The following RBFOX3 variants were observed in gnomAD, a reference collection of about 807,000 sequenced individuals.
RBFOX3 encodes the protein RNA binding fox-1 homolog 3.
Under a neutral mutation model 48.7 loss-of-function variants are expected in RBFOX3, and 17 were observed. The observed-to-expected ratio is 0.35, with a 90% CI of 0.24 to 0.52. The LOEUF is 0.52. Ranked by LOEUF, RBFOX3 falls within the 20% of genes least tolerant of loss-of-function variation. The pLI is 0.94. For missense variants in RBFOX3, 382 were observed against 497.5 expected (o/e 0.77, Z 2.21); for synonymous variants, 212 against 209.5 (o/e 1.01, Z -0.10).
intron 3 of RBFOX3, among the ~76,000 whole-genome samples, chr17:79,296,810 C>T (rs948212912): frequency 6.9e-6 from 1 of 144,530 alleles, no homozygotes; most frequent in Non-Finnish European, 1.5e-5. Context: ...TTTCCTCCTC[C>T]CCACTTCTCC....
intron 1 of RBFOX3, among the ~76,000 whole-genome samples, chr17:79,550,591 T>C (rs1014094685): frequency 4.6e-5 from 7 of 152,084 alleles, no homozygotes; most frequent in African/African-American, 1.4e-4. Flanking sequence ...AATGACTAAG[T>C]GGATGAATAG....
intron 2 of RBFOX3, among the ~76,000 whole-genome samples, chr17:79,341,948 A>C (rs2082162863): frequency 6.6e-6 from 1 of 152,198 alleles, no homozygotes; most frequent in Non-Finnish European, 1.5e-5. Context: ...ATTCATTTGG[A>C]AAATTTTGGC....
intron 4 of RBFOX3, among the ~76,000 whole-genome samples, chr17:79,138,629 ACCT>A (rs769810290): frequency 6.0e-5 from 3 of 49,864 alleles, no homozygotes; most frequent in Middle Eastern, 0.013. Context: ...ACGTGTTCAC[ACCT>A]CCTCACCCAC....
At chr17:79,173,421 G>A (rs922402473) in intron 4 of RBFOX3, among the ~76,000 whole-genome samples, 6 of 152,154 alleles carry the variant, frequency 3.9e-5, no homozygotes, top group Non-Finnish European at 8.8e-5. Flanking sequence ...GCCCTTGGAG[G>A]TCGTCTTCCT....
intron 4 of RBFOX3, among the ~76,000 whole-genome samples, chr17:79,157,384 A>G (rs2046047757): frequency 6.6e-6 from 1 of 152,136 alleles, no homozygotes; most frequent in Non-Finnish European, 1.5e-5. Context: ...ACAGACACTG[A>G]CCACAAAGCT....
rs2057347891 is a variant in RBFOX3, at chr17:79,205,374, G to A, written c.-34+30392C>T. ...TTACAGCAGGTCTGTCAGGCTCATG[G>A]ACCCATCCTGTGGTTTGTTCTCTGG... On this transcript the variant is annotated intron_variant, in intron 4 of 14. Transcript: ENST00000693108. The surrounding 1 kb of genome is among the most constrained non-coding windows in gnomAD (Gnocchi z 4.5). Among the ~76,000 whole-genome samples the A allele has an allele frequency of 6.6e-6, 1 of 152,120 alleles. No individual in the cohort carries two copies. Among genetic ancestry groups the A allele is most frequent in the Non-Finnish European group, 1.5e-5 (1 of 68,008 alleles).
intron 3 of RBFOX3, among the ~76,000 whole-genome samples, chr17:79,257,705 C>T (rs952850307): frequency 1.3e-5 from 2 of 152,166 alleles, no homozygotes; most frequent in African/African-American, 2.4e-5. Context: ...CTCAGCCTCC[C>T]GAGTAGCTGG....
At chr17:79,125,720 C>CG (rs1448439631) in intron 4 of RBFOX3, among the ~76,000 whole-genome samples, 3 of 152,228 alleles carry the variant, frequency 2.0e-5, no homozygotes, top group Non-Finnish European at 4.4e-5. Flanking sequence ...CTCCCGCCTG[C>CG]GGGAAGGGCG....
At chr17:79,434,086 C>T (rs1568242470) in intron 2 of RBFOX3, among the ~76,000 whole-genome samples, 1 of 152,204 alleles carries the variant, frequency 6.6e-6, no homozygotes, top group South Asian at 2.1e-4. Context: ...AAACAGTGAA[C>T]CCCCCAACGG....
At chr17:79,098,635 A>G (rs9906059) in intron 9 of RBFOX3, 28,556 of 152,220 alleles carry the variant, frequency 0.19, 3,347 homozygotes, top group African/African-American at 0.32. Flanking sequence ...GAGCAGAGCA[A>G]AGACCTGCTC....
rs72849700 is a variant in RBFOX3 at position 79,363,102 on chromosome 17, G to T, written c.-174-55278C>A. 6.6e-6 allele frequency among the ~76,000 whole-genome samples: 1 copy of T among 152,136 alleles called. No individual in the cohort carries two copies. The highest frequency in any genetic ancestry group is 2.4e-5 in the African/African-American group (1 of 41,440). On this transcript the variant is annotated intron_variant, in intron 2 of 14. Coordinates refer to ENST00000693108, the MANE Select transcript of RBFOX3 (RefSeq NM_001350451.2). This position sits in a 1 kb window ranked among gnomAD's most constrained non-coding sequence, Gnocchi z 4.7. ...GCACATGCGAGGTTTCTGGGCCATA[G>T]TGAGCCGCAGGGGAGGCACGTGGCT...
At chr17:79,593,830 C>T (rs966483273) in intron 1 of RBFOX3, among the ~76,000 whole-genome samples, 1 of 152,164 alleles carries the variant, frequency 6.6e-6, no homozygotes, top group Non-Finnish European at 1.5e-5. Flanking sequence ...TCTCCCTGCT[C>T]CCAAGGGCCA....
intron 13 of RBFOX3, 73 bp downstream of exon 13, chr17:79,095,440 G>A: frequency 7.2e-7 from 1 of 1,390,732 alleles, no homozygotes; most frequent in South Asian, 1.3e-5. Flanking sequence ...GCCTGTCTGG[G>A]CCCAGCTCCC....
chr17:79,374,584 C>T (rs542267870), intron 2 of RBFOX3, among the ~76,000 whole-genome samples: 10 of 152,360 alleles, frequency 6.6e-5, no homozygotes, highest in East Asian at 1.9e-4. Context: ...AATGCGAGAG[C>T]TGGCTGCGCC....
intron 1 of RBFOX3, among the ~76,000 whole-genome samples, chr17:79,553,042 T>G (rs2091301468): frequency 6.6e-6 from 1 of 152,230 alleles, no homozygotes; most frequent in South Asian, 2.1e-4. Context: ...TGCTACAATA[T>G]GAAATAGTAG....
At chr17:79,368,799 G>A (rs997984680) in intron 2 of RBFOX3, among the ~76,000 whole-genome samples, 2 of 152,204 alleles carry the variant, frequency 1.3e-5, no homozygotes, top group Admixed American at 6.5e-5. Context: ...CCATGGAAAT[G>A]TCATGATTTC....
Position 79,096,787 on chromosome 17 carries a change from G to T in RBFOX3, c.802C>A (p.Leu268Met). The change falls in exon 12 of 15, where the codon CTG (leucine) becomes ATG (methionine). Residue 268 changes from leucine (L) to methionine (M), a missense_variant. This residue lies in a region of RBFOX3 where 215 missense variants were observed against 254.8 expected (regional missense o/e 0.84). Transcript: ENST00000693108. ...LVKMPVPWAGLAPCPLPPQQT... is the reference protein window; with the variant it reads ...LVKMPVPWAGMAPCPLPPQQT... ...TGAGGAGGGAGGGGGCACGGTGCCA[G>T]CCCCGCCCATGGGACTGGCATTTTA... The T allele has an allele frequency of 8.8e-7, 1 of 1,133,178 alleles. No individual in the cohort carries two copies. The highest frequency in any genetic ancestry group is 1.3e-6 in the Non-Finnish European group (1 of 765,810). The allele number at this position is 1,133,178 out of a possible 1,614,324, so 70.2% of individuals were successfully genotyped here. A position where few individuals can be genotyped will look rare whatever the true frequency, so the allele number is the denominator to read the frequency against.
rs118056014 is a variant in RBFOX3 at position 79,412,950 on chromosome 17, C to T, written c.-175+69504G>A. 9.3e-3 allele frequency among the ~76,000 whole-genome samples: 1,411 copies of T among 152,188 alleles called. 11 individuals are homozygous for T. The highest frequency in any genetic ancestry group is 0.016 in the Non-Finnish European group (1,071 of 68,000). On this transcript the variant is annotated intron_variant, in intron 2 of 14. Transcript: ENST00000693108. The stretch of plus-strand genomic sequence containing the variant: ...GTGACTACCACTCTCTGACCCTGAG[C>T]CCCTCTCTGTTCAACCCTCCAGCCT...
At chr17:79,357,325 T>A (rs998904452) in intron 2 of RBFOX3, among the ~76,000 whole-genome samples, 1 of 152,202 alleles carries the variant, frequency 6.6e-6, no homozygotes, top group Non-Finnish European at 1.5e-5. Flanking sequence ...TTCATTCCAA[T>A]GTTTAAAAAA....
Sources: gnomAD v4.1 joint callset for allele counts (sites outside exome capture counted in the v4.1 genomes callset) on GRCh38, gnomAD v4.1.1 for gene constraint, gnomAD v4.1.1 regional missense constraint, Gnocchi (gnomAD v3.1) non-coding constraint, MANE v1.5 for transcripts, NCBI Gene and HGNC (gene_info 2026-07-23, HGNC 2026-07-21) for gene names.